Variants in STXBP4 observed in about 807,000 individuals in gnomAD.
The protein encoded by STXBP4 is syntaxin-binding protein 4.
STXBP4 carries 55 observed loss-of-function variants against 76.1 expected under a neutral mutation model. The ratio of observed to expected loss-of-function variants is 0.72; its 90% CI spans 0.58 to 0.91. STXBP4 has a LOEUF of 0.91. Ranked by LOEUF, STXBP4 falls within the 40% of genes least tolerant of loss-of-function variation. The pLI, the probability that STXBP4 is intolerant of heterozygous loss-of-function variation, is 0.00. For missense variants in STXBP4, 618 were observed against 636.9 expected, an observed-to-expected ratio of 0.97 and a Z score of 0.32; for synonymous variants, 201 against 220.2, an observed-to-expected ratio of 0.91 and a Z score of 0.77.
chr17:55,100,345 T>C (rs772384336), intron 16 of STXBP4, among the ~76,000 whole-genome samples: 2 of 152,214 alleles, frequency 1.3e-5, no homozygotes, highest in Admixed American at 6.5e-5. Flanking sequence ...GAACGTAGCT[T>C]GTAGGGTAAG....
chr17:55,201,784 T>C, the STXBP4 span, among the ~76,000 whole-genome samples: 2 of 152,210 alleles, frequency 1.3e-5, no homozygotes, highest in Admixed American at 6.5e-5. Flanking sequence ...ATTTAAATGT[T>C]TGAGCAGAGA....
chr17:55,096,930 T>G lies in STXBP4; in HGVS notation c.1489+15747T>G, dbSNP rs2079494356. ...TTGTATGTTTTTCTTCTCACTGAAT[T>G]TTGTCCTAAACTGCTTTGCATCTTT... On this transcript the variant is annotated intron_variant, in intron 16 of 17. Coordinates refer to ENST00000376352, the MANE Select transcript of STXBP4 (RefSeq NM_178509.6). Among the ~76,000 whole-genome samples, 2 of 152,170 alleles carry G rather than the reference T, an allele frequency of 1.3e-5. 1 individual carries two copies. The highest frequency in any genetic ancestry group is 4.1e-4 in the South Asian group (2 of 4,824).
chr17:55,007,839 T>C (rs1007890393), intron 8 of STXBP4, among the ~76,000 whole-genome samples: 1 of 152,192 alleles, frequency 6.6e-6, no homozygotes, highest in Admixed American at 6.5e-5. Context: ...TTGGATCAAA[T>C]AGTTTTCTCC....
At chr17:55,094,312 C>G (rs556322267) in intron 16 of STXBP4, among the ~76,000 whole-genome samples, 5 of 151,858 alleles carry the variant, frequency 3.3e-5, no homozygotes, top group Non-Finnish European at 2.9e-5. Context: ...TTTTAAGTGT[C>G]GTAGGAAGGC....
downstream of STXBP4, among the ~76,000 whole-genome samples, chr17:55,173,793 G>C (rs943320462): frequency 6.6e-6 from 1 of 152,174 alleles, no homozygotes; most frequent in Non-Finnish European, 1.5e-5. Context: ...TTACAGTTTT[G>C]TAGGTCAGAA....
chr17:55,195,411 C>T, the STXBP4 span, among the ~76,000 whole-genome samples: 1 of 152,134 alleles, frequency 6.6e-6, no homozygotes, highest in East Asian at 1.9e-4. Context: ...TGATGTATTT[C>T]CCCTCTTTAG....
intron 10 of STXBP4, among the ~76,000 whole-genome samples, chr17:55,039,722 T>G (rs1030779168): frequency 6.0e-5 from 9 of 150,128 alleles, no homozygotes; most frequent in African/African-American, 2.2e-4. Flanking sequence ...ACATGAGAAC[T>G]AAGGAAGAAG....
intron 12 of STXBP4, 115 bp from the exon 13 acceptor site, chr17:55,072,785 A>G (rs944385331): frequency 1.7e-5 from 12 of 687,790 alleles, no homozygotes; most frequent in African/African-American, 1.3e-4. Context: ...AATAAATAAT[A>G]TATGTATATT....
chr17:55,164,516 T>A lies in STXBP4; in HGVS notation c.*4605T>A, dbSNP rs1377602594. On this transcript the variant is annotated 3_prime_UTR_variant, in exon 18 of 18. Transcript: ENST00000376352. ...GGGACTGCGGACTGCAGCGGCGCAA[T>A]CTCGGCTCACTGCAAGCTCCGCTTC... 1 of 135,968 alleles carries A rather than the reference T, an allele frequency of 7.4e-6. No individual in the cohort carries two copies. The highest frequency in any genetic ancestry group is 2.4e-4 in the East Asian group (1 of 4,210). The allele number at this position is 135,968 out of a possible 1,614,324, so 8.4% of individuals were successfully genotyped here. A position where few individuals can be genotyped will look rare whatever the true frequency, so the allele number is the denominator to read the frequency against.
rs1230936026 is a variant in STXBP4, at chr17:55,148,512, A to G, written c.1547+7145A>G. 5.9e-5 allele frequency among the ~76,000 whole-genome samples: 9 copies of G among 152,102 alleles called. No individual in the cohort carries two copies. The East Asian group carries it at 1.5e-3, about 26-fold the overall frequency. On this transcript the variant is annotated intron_variant, in intron 17 of 17. Coordinates refer to ENST00000376352, the MANE Select transcript of STXBP4 (RefSeq NM_178509.6). ...AAGGGTACTACTTTTAGCTTTTTCT[A>G]AATCCTTTACAATTATTTTAGCTTT...
intron 10 of STXBP4, among the ~76,000 whole-genome samples, chr17:55,041,963 G>A (rs1178560616): frequency 3.3e-5 from 5 of 152,090 alleles, no homozygotes; most frequent in African/African-American, 1.2e-4. Context: ...ATTCTTATGA[G>A]TGTTTGTGTT....
intron 16 of STXBP4, among the ~76,000 whole-genome samples, chr17:55,106,640 T>C (rs901691584): frequency 1.3e-5 from 2 of 152,206 alleles, no homozygotes; most frequent in Non-Finnish European, 2.9e-5. Flanking sequence ...TCAAGAGCTC[T>C]TGTAAGGCAG....
chr17:55,138,824 T>A (rs2080063689), intron 16 of STXBP4, among the ~76,000 whole-genome samples: 1 of 152,128 alleles, frequency 6.6e-6, no homozygotes, highest in South Asian at 2.1e-4. Context: ...TCAGAAGTCC[T>A]ATTTTTGTAT....
intron 12 of STXBP4, among the ~76,000 whole-genome samples, chr17:55,050,472 A>T (rs1453658803): frequency 2.6e-5 from 4 of 152,152 alleles, no homozygotes; most frequent in Admixed American, 1.3e-4. Flanking sequence ...CTAAAGAATG[A>T]TGACATTCAT....
chr17:55,109,292 G>T (rs1227517374), intron 16 of STXBP4, among the ~76,000 whole-genome samples: 1 of 151,996 alleles, frequency 6.6e-6, no homozygotes, highest in Non-Finnish European at 1.5e-5. Context: ...CAGGTTATTT[G>T]ACTATTCTGG....
chr17:55,133,291 T>A (rs2079992396), intron 16 of STXBP4, among the ~76,000 whole-genome samples: 1 of 152,008 alleles, frequency 6.6e-6, no homozygotes. Flanking sequence ...GTCCTAGGCC[T>A]GAGCAACTGG....
intron 15 of STXBP4, among the ~76,000 whole-genome samples, chr17:55,079,401 A>ATGT (rs1483745620): frequency 6.6e-6 from 1 of 152,124 alleles, no homozygotes; most frequent in Non-Finnish European, 1.5e-5. Flanking sequence ...CTGCTCTCAT[A>ATGT]ATAGCTGCCA....
intron 11 of STXBP4, chr17:55,043,952 G>T: frequency 3.9e-6 from 1 of 258,156 alleles, no homozygotes; most frequent in Non-Finnish European, 7.3e-6. Flanking sequence ...GGGTTCAAGT[G>T]ATTCTCCCAC....
At chr17:55,072,239 GT>G (rs890370655) in intron 12 of STXBP4, among the ~76,000 whole-genome samples, 1 of 152,126 alleles carries the variant, frequency 6.6e-6, no homozygotes, top group African/African-American at 2.4e-5. Flanking sequence ...TGTATGAAAT[GT>G]TTTTTAGTAA....
Sources: gnomAD v4.1 joint callset for allele counts (sites outside exome capture counted in the v4.1 genomes callset) on GRCh38, gnomAD v4.1.1 for gene constraint, MANE v1.5 for transcripts, NCBI Gene and HGNC (gene_info 2026-07-23, HGNC 2026-07-21) for gene names.